Variants in GNAL observed in about 807,000 individuals in gnomAD.
GNAL encodes guanine nucleotide-binding protein G(olf) subunit alpha.
Under a neutral mutation model 55.1 loss-of-function variants are expected in GNAL, and 18 were observed. The observed-to-expected ratio is 0.33, with a 90% confidence interval of 0.23 to 0.48. GNAL has a LOEUF of 0.48. GNAL is among the 20% of genes least tolerant of loss of function. The pLI is 0.99. For synonymous variants in GNAL, 253 were observed against 237.0 expected (o/e 1.07, Z -0.62); for missense variants, 412 against 614.1 (o/e 0.67, Z 3.48).
chr18:11,752,984 C>T lies in GNAL; in HGVS notation c.449+59C>T. 2 of 956,756 alleles carry T rather than the reference C, an allele frequency of 2.1e-6. No homozygotes were observed. Among genetic ancestry groups the T allele is most frequent in the Admixed American group, 3.7e-5 (2 of 54,028 alleles). 59.3% of individuals were successfully genotyped at this position (956,756 alleles called of 1,614,324 possible). A position where few individuals can be genotyped will look rare whatever the true frequency, so the allele number is the denominator to read the frequency against. On this transcript the variant is annotated intron_variant, in intron 2 of 11. Transcript: ENST00000334049. This position sits in a 1 kb window ranked among gnomAD's most constrained non-coding sequence, Gnocchi z 4.5. ...CAAACTTCGTCTCTCTCCCAGACGTCCCAAAAGTGCTTTCTCTAAACAATT... is the reference window on the plus strand; with the variant it reads ...CAAACTTCGTCTCTCTCCCAGACGTTCCAAAAGTGCTTTCTCTAAACAATT...
intron 1 of GNAL, chr18:11,745,651 A>G (rs1304606426): frequency 6.4e-6 from 1 of 155,494 alleles, no homozygotes; most frequent in African/African-American, 2.4e-5. Flanking sequence ...CCTCTTTGGC[A>G]GCAACGACTG....
chr18:11,733,725 G>A (rs1038606432), intron 1 of GNAL, among the ~76,000 whole-genome samples: 1 of 152,180 alleles, frequency 6.6e-6, no homozygotes, highest in African/African-American at 2.4e-5. Context: ...GGACACAGGA[G>A]TGGAAGAACA....
chr18:11,753,474 G>C (rs1416293939), intron 2 of GNAL, 154 bp from the exon 3 acceptor site: 11 of 576,630 alleles, frequency 1.9e-5, no homozygotes, highest in Non-Finnish European at 3.4e-5. Context: ...TCCTTTCCCA[G>C]ATAAAACCTT....
intron 4 of GNAL, among the ~76,000 whole-genome samples, chr18:11,762,442 C>A (rs571276376): frequency 6.6e-6 from 1 of 152,200 alleles, no homozygotes; most frequent in African/African-American, 2.4e-5. Flanking sequence ...CTACCTCTGG[C>A]AGGGATACAG....
At chr18:11,719,008 A>G (rs983336473) in intron 1 of GNAL, among the ~76,000 whole-genome samples, 1 of 152,210 alleles carries the variant, frequency 6.6e-6, no homozygotes, top group East Asian at 1.9e-4. Context: ...AAAAGAAAAT[A>G]AAAAATTTGC....
intron 1 of GNAL, among the ~76,000 whole-genome samples, chr18:11,719,146 C>G (rs990347162): frequency 6.6e-6 from 1 of 151,992 alleles, no homozygotes; most frequent in Non-Finnish European, 1.5e-5. Context: ...AACATCACAA[C>G]TATTTAAAAA....
At chr18:11,741,657 A>G (rs564656677) in intron 1 of GNAL, among the ~76,000 whole-genome samples, 1 of 152,316 alleles carries the variant, frequency 6.6e-6, no homozygotes, top group African/African-American at 2.4e-5. Context: ...GAATGAATGA[A>G]TGAACATGCG....
intron 4 of GNAL, among the ~76,000 whole-genome samples, chr18:11,793,885 CT>C (rs1175507440): frequency 6.7e-6 from 1 of 148,708 alleles, no homozygotes; most frequent in Non-Finnish European, 1.5e-5. Flanking sequence ...GCACTCCAGC[CT>C]GGCGACAGTG....
At chr18:11,746,649 G>A (rs2032693621) in intron 1 of GNAL, 1 of 247,252 alleles carries the variant, frequency 4.0e-6, no homozygotes, top group Non-Finnish European at 8.1e-6. Flanking sequence ...AGAAAAAGGA[G>A]AAGGACAATT....
chr18:11,754,982 C>T (rs1231855361), intron 4 of GNAL, among the ~76,000 whole-genome samples: 2 of 143,142 alleles, frequency 1.4e-5, no homozygotes, highest in African/African-American at 5.2e-5. Context: ...TTACAGTGCA[C>T]CAGAAGTGAG....
intron 1 of GNAL, among the ~76,000 whole-genome samples, chr18:11,724,213 A>G (rs901501945): frequency 6.6e-6 from 1 of 152,222 alleles, no homozygotes; most frequent in Non-Finnish European, 1.5e-5. Context: ...TACAGAAAGC[A>G]TGATGCTGGC....
intron 8 of GNAL, 61 bp downstream of exon 8, chr18:11,867,287 G>A (rs1436137241): frequency 2.0e-6 from 2 of 982,428 alleles, no homozygotes; most frequent in Non-Finnish European, 3.3e-6. Context: ...GCACTGCTGT[G>A]CTTAACTATT....
intron 5 of GNAL, among the ~76,000 whole-genome samples, chr18:11,837,765 T>G (rs1029880947): frequency 6.6e-6 from 1 of 152,200 alleles, no homozygotes; most frequent in African/African-American, 2.4e-5. Flanking sequence ...CTCCCAAGTG[T>G]ATGTCCAAGA....
intron 4 of GNAL, chr18:11,810,712 A>C (rs1393957944): frequency 6.6e-6 from 1 of 152,260 alleles, no homozygotes; most frequent in Non-Finnish European, 1.5e-5. Context: ...CACGTTGTTT[A>C]TGGCAGTATT....
chr18:11,765,520 G>A (rs1279359631), intron 4 of GNAL, among the ~76,000 whole-genome samples: 2 of 152,090 alleles, frequency 1.3e-5, no homozygotes, highest in Non-Finnish European at 2.9e-5. Context: ...TTCCTTCTGT[G>A]CATCTGTACT....
intron 4 of GNAL, among the ~76,000 whole-genome samples, chr18:11,758,774 T>C (rs1299768827): frequency 6.6e-6 from 1 of 152,234 alleles, no homozygotes. Context: ...GTTGGCACTA[T>C]GTCTTAGCAG....
chr18:11,852,210 A>G (rs969972365), intron 5 of GNAL: 1 of 1,394,880 alleles, frequency 7.2e-7, no homozygotes, highest in Non-Finnish European at 9.5e-7. Context: ...TGAACACGCC[A>G]GAATGCTGAA....
intron 5 of GNAL, among the ~76,000 whole-genome samples, chr18:11,828,626 T>C: frequency 6.6e-6 from 1 of 151,814 alleles, no homozygotes; most frequent in African/African-American, 2.4e-5. Context: ...AACACCACAG[T>C]TCTGCTCAAT....
intron 4 of GNAL, among the ~76,000 whole-genome samples, chr18:11,767,218 C>A (rs946805086): frequency 6.6e-6 from 1 of 151,232 alleles, no homozygotes; most frequent in African/African-American, 2.4e-5. Context: ...TCTCTGTGCA[C>A]CCTTATGCTT....
Sources: gnomAD v4.1 joint callset for allele counts (sites outside exome capture counted in the v4.1 genomes callset) on GRCh38, gnomAD v4.1.1 for gene constraint, Gnocchi (gnomAD v3.1) non-coding constraint, MANE v1.5 for transcripts, NCBI Gene and HGNC (gene_info 2026-07-23, HGNC 2026-07-21) for gene names.